The following PI4K2A variants were observed in gnomAD, a reference collection of about 807,000 sequenced individuals.
PI4K2A encodes the protein phosphatidylinositol 4-kinase type 2 alpha.
A neutral mutation model predicts 55.0 loss-of-function variants in PI4K2A; 20 were observed. That is an observed-to-expected ratio of 0.36 (90% CI 0.26 to 0.53). The LOEUF (loss-of-function observed/expected upper bound fraction) is 0.53. Ranked by LOEUF, PI4K2A falls within the 20% of genes least tolerant of loss-of-function variation. PI4K2A has a pLI of 0.91. For missense variants in PI4K2A, 463 were observed against 637.1 expected, an observed-to-expected ratio of 0.73 and a Z score of 2.94; for synonymous variants, 235 against 258.5, an observed-to-expected ratio of 0.91 and a Z score of 0.87.
chr10:97,643,760 T>C (rs367683888), intron 1 of PI4K2A, among the ~76,000 whole-genome samples: 11 of 152,234 alleles, frequency 7.2e-5, no homozygotes, highest in Admixed American at 6.5e-5. Context: ...GTAGTTGGAA[T>C]TGTCATCTTT....
intron 8 of PI4K2A, among the ~76,000 whole-genome samples, chr10:97,671,692 T>C (rs763718643): frequency 6.6e-6 from 1 of 152,024 alleles, no homozygotes; most frequent in Non-Finnish European, 1.5e-5. Context: ...TAGACTGGAG[T>C]GCAATGGCAC....
chr10:97,653,727 G>T (rs1008394690), intron 2 of PI4K2A, among the ~76,000 whole-genome samples: 6 of 152,190 alleles, frequency 3.9e-5, no homozygotes, highest in African/African-American at 1.4e-4. Context: ...GACCAGCCTG[G>T]CCAACAGGGT....
At chr10:97,646,868 G>A (rs1031477834) in intron 1 of PI4K2A, among the ~76,000 whole-genome samples, 3 of 151,996 alleles carry the variant, frequency 2.0e-5, no homozygotes, top group Non-Finnish European at 4.4e-5. Flanking sequence ...TCCACCTCCT[G>A]GGTTCAAGCG....
chr10:97,674,149 G>A (rs994751877), exon 9 of PI4K2A: 1 of 150,952 alleles, frequency 6.6e-6, no homozygotes, highest in African/African-American at 2.9e-5. Context: ...GTCATCTCAT[G>A]TCAGAAACCT....
chr10:97,646,786 TG>T (rs1396245261), intron 1 of PI4K2A, among the ~76,000 whole-genome samples: 1 of 151,932 alleles, frequency 6.6e-6, no homozygotes, highest in Non-Finnish European at 1.5e-5. Flanking sequence ...TGTTGTTGTT[TG>T]TTTTGAGAGG....
chr10:97,656,721 A>ACAT lies in PI4K2A; in HGVS notation c.769-98_769-97insTCA. The ACAT allele has an allele frequency of 9.2e-7, 1 of 1,087,320 alleles. No individual in the cohort carries two copies. Among genetic ancestry groups the ACAT allele is most frequent in the South Asian group, 1.5e-5 (1 of 67,604 alleles). 67.4% of individuals were successfully genotyped at this position (1,087,320 alleles called of 1,614,324 possible). A position where few individuals can be genotyped will look rare whatever the true frequency, so the allele number is the denominator to read the frequency against. On this transcript the variant is annotated intron_variant, in intron 3 of 8. Coordinates refer to ENST00000370631, the Ensembl canonical transcript of PI4K2A. This position sits in a 1 kb window ranked among gnomAD's most constrained non-coding sequence, Gnocchi z 4.5. Reference sequence around the variant, plus strand: ...TCTTGAAAAGTTTTCCTTCTCTGATACAAACTCCATAGGGCCTTAATGGGT... The same window carrying ACAT: ...TCTTGAAAAGTTTTCCTTCTCTGATACATCAAACTCCATAGGGCCTTAATGGGT...
chr10:97,640,716 C>G, exon 1 of PI4K2A: 2 of 1,442,038 alleles, frequency 1.4e-6, no homozygotes, highest in Non-Finnish European at 1.8e-6. Context: ...TGGAGCGCGC[C>G]GGGTCCCGGA....
At chr10:97,660,965 G>A (rs1421457641) in intron 4 of PI4K2A, among the ~76,000 whole-genome samples, 1 of 150,402 alleles carries the variant, frequency 6.6e-6, no homozygotes. Context: ...GCTTTGACTG[G>A]AACTGCTGGA....
At chr10:97,671,956 C>T (rs1172909276) in intron 8 of PI4K2A, among the ~76,000 whole-genome samples, 1 of 151,304 alleles carries the variant, frequency 6.6e-6, no homozygotes, top group East Asian at 2.0e-4. Flanking sequence ...GCCCAGCCAG[C>T]TTTTTACATT....
chr10:97,665,426 C>T (rs149533316), intron 6 of PI4K2A, among the ~76,000 whole-genome samples: 4,296 of 152,016 alleles, frequency 0.028, 180 homozygotes, highest in East Asian at 0.15. Flanking sequence ...AGGCATGCGC[C>T]ACCACGCCCG....
rs1488696786 is a variant in PI4K2A at position 97,661,804 on chromosome 10, T to C, written c.923-1103T>C. Among the ~76,000 whole-genome samples, 4 of 152,180 alleles carry C rather than the reference T, an allele frequency of 2.6e-5. No individual in the cohort carries two copies. In the East Asian group the frequency reaches 7.7e-4, roughly 29 times the overall value. ...GGCATCCCCAATTCTCTGTGTTTCCTGTAAATTTACTGCTTGAGTTTAAAG... is the reference window on the plus strand; with the variant it reads ...GGCATCCCCAATTCTCTGTGTTTCCCGTAAATTTACTGCTTGAGTTTAAAG... On this transcript the variant is annotated intron_variant, in intron 4 of 8. Coordinates refer to ENST00000370631, the Ensembl canonical transcript of PI4K2A.
At chr10:97,672,786 C>T (rs114366272) in intron 8 of PI4K2A, among the ~76,000 whole-genome samples, 2,354 of 118,200 alleles carry the variant, frequency 0.02, 90 homozygotes, top group African/African-American at 0.075. Context: ...GGCTGGAGTA[C>T]GGTGACATGA....
intron 1 of PI4K2A, among the ~76,000 whole-genome samples, chr10:97,645,704 AATTTTATTAT>A (rs1214526465): frequency 2.0e-5 from 3 of 151,222 alleles, no homozygotes; most frequent in Admixed American, 1.3e-4. Flanking sequence ...TTAGTAAAAT[AATTTTATTAT>A]ATTTTATTAT....
rs150839893 is a variant in PI4K2A at position 97,650,250 on chromosome 10, C to T, written c.436-691C>T. Among the ~76,000 whole-genome samples, 71 of 149,982 alleles carry T rather than the reference C, an allele frequency of 4.7e-4. 1 individual carries two copies. The highest frequency in any genetic ancestry group is 1.5e-3 in the African/African-American group (61 of 40,560). On this transcript the variant is annotated intron_variant, in intron 1 of 8. Coordinates refer to ENST00000370631, the Ensembl canonical transcript of PI4K2A. ...GGCATTAGATGCTGCCAGTGACTCA[C>T]GATCTACCACTGAATTGGCTTCTGT... is the stretch of plus-strand genomic sequence containing the variant.
exon 5 of PI4K2A, chr10:97,662,956 T>A (rs2041592986): frequency 6.3e-7 from 1 of 1,597,936 alleles, no homozygotes; most frequent in African/African-American, 1.3e-5. Flanking sequence ...CAATGGATAG[T>A]TCTAGCTCTC....
At chr10:97,670,114 G>A (rs140608661) in intron 8 of PI4K2A, among the ~76,000 whole-genome samples, 2,003 of 152,116 alleles carry the variant, frequency 0.013, 38 homozygotes, top group African/African-American at 0.046. Context: ...TGCCCAGGCT[G>A]GTCTCAAACT....
chr10:97,672,396 T>G (rs935219128), intron 8 of PI4K2A, among the ~76,000 whole-genome samples: 2 of 152,264 alleles, frequency 1.3e-5, no homozygotes, highest in African/African-American at 2.4e-5. Context: ...ACTGCCAGAC[T>G]TTTTTCTACA....
intron 2 of PI4K2A, among the ~76,000 whole-genome samples, chr10:97,652,852 T>C (rs1416468180): frequency 6.6e-6 from 1 of 152,228 alleles, no homozygotes; most frequent in Non-Finnish European, 1.5e-5. Context: ...TAAGCATTCA[T>C]GAAGTACCAG....
intron 1 of PI4K2A, among the ~76,000 whole-genome samples, chr10:97,648,224 CTGGGACTACAGGCATG>C (rs1447838361): frequency 2.0e-5 from 3 of 151,722 alleles, no homozygotes; most frequent in Non-Finnish European, 4.4e-5. Flanking sequence ...TCCCGAGTAG[CTGGGACTACAGGCATG>C]TGCCACCATG....
Sources: allele counts gnomAD v4.1 joint callset (sites outside exome capture counted in the v4.1 genomes callset), GRCh38; gene constraint gnomAD v4.1.1; non-coding constraint Gnocchi (gnomAD v3.1); transcripts MANE v1.5; gene names NCBI Gene and HGNC (gene_info 2026-07-23, HGNC 2026-07-21).